Variants in THSD7B observed in about 807,000 individuals in gnomAD.
THSD7B encodes thrombospondin type 1 domain containing 7B.
A neutral mutation model predicts 213.6 loss-of-function variants in THSD7B; 138 were observed. The observed-to-expected ratio is 0.65, with a 90% CI of 0.56 to 0.74. THSD7B has a LOEUF of 0.74. Ranked by LOEUF, THSD7B falls within the 30% of genes least tolerant of loss-of-function variation. The pLI is 0.00. For synonymous variants in THSD7B, 742 were observed against 687.0 expected, an observed-to-expected ratio of 1.08 and a Z score of -1.25; for missense variants, 1,931 against 1,991.5, an observed-to-expected ratio of 0.97 and a Z score of 0.58.
At chr2:136,991,139 T>G (rs373059680) in intron 2 of THSD7B, among the ~76,000 whole-genome samples, 273 of 152,302 alleles carry the variant, frequency 1.8e-3, no homozygotes, top group Non-Finnish European at 2.9e-3. Context: ...AATTTAGCAT[T>G]TTAAAACTCA....
chr2:137,005,496 A>C (rs1323515685), intron 2 of THSD7B, among the ~76,000 whole-genome samples: 1 of 152,194 alleles, frequency 6.6e-6, no homozygotes, highest in East Asian at 1.9e-4. Context: ...TAATGTGCAT[A>C]GCTCAGACTG....
chr2:137,058,545 A>T (rs2104878793), intron 3 of THSD7B, among the ~76,000 whole-genome samples: 2 of 152,236 alleles, frequency 1.3e-5, no homozygotes, highest in East Asian at 3.9e-4. Context: ...TGTCTCCAAC[A>T]TATAGTTTTT....
chr2:137,308,194 T>G (rs1203207232), intron 12 of THSD7B, among the ~76,000 whole-genome samples: 1 of 152,002 alleles, frequency 6.6e-6, no homozygotes, highest in Admixed American at 6.6e-5. Context: ...AAACTCATAC[T>G]TCAGTCCTAG....
chr2:137,231,351 T>G, intron 8 of THSD7B, 116 bp downstream of exon 8: 431 of 972,442 alleles, frequency 4.4e-4, no homozygotes, highest in Non-Finnish European at 6.1e-4. Flanking sequence ...ACGATATCTC[T>G]ATTCCCTGAA....
At chr2:137,301,250 G>T (rs1036038201) in intron 12 of THSD7B, among the ~76,000 whole-genome samples, 1 of 152,010 alleles carries the variant, frequency 6.6e-6, no homozygotes, top group Admixed American at 6.5e-5. Context: ...CAGGTGACTG[G>T]CTGTGGACCT....
At chr2:137,514,545 A>G (rs1218364176) in intron 15 of THSD7B, among the ~76,000 whole-genome samples, 2 of 152,086 alleles carry the variant, frequency 1.3e-5, no homozygotes, top group Admixed American at 6.6e-5. Context: ...ATATATATCT[A>G]TCCTATTATT....
chr2:136,940,510 G>T (rs552070556), intron 2 of THSD7B, among the ~76,000 whole-genome samples: 58 of 151,334 alleles, frequency 3.8e-4, no homozygotes, highest in Admixed American at 7.2e-4. Context: ...TCCCACCTCA[G>T]CCTCCCGAGT....
intron 2 of THSD7B, among the ~76,000 whole-genome samples, chr2:136,915,128 TAGG>T (rs879253121): frequency 6.6e-6 from 1 of 152,182 alleles, no homozygotes; most frequent in Admixed American, 6.5e-5. Context: ...GTTTTATCTC[TAGG>T]GGAAGATTTT....
At chr2:137,586,345 A>G (rs1460724368) in intron 17 of THSD7B, among the ~76,000 whole-genome samples, 1 of 152,152 alleles carries the variant, frequency 6.6e-6, no homozygotes, top group Non-Finnish European at 1.5e-5. Flanking sequence ...ATTTAAGGTT[A>G]GTATTGTTAT....
chr2:136,986,222 AT>A (rs1685670091), intron 2 of THSD7B, among the ~76,000 whole-genome samples: 1 of 152,164 alleles, frequency 6.6e-6, no homozygotes, highest in Non-Finnish European at 1.5e-5. Flanking sequence ...GCATGATTGT[AT>A]TTTGAAATGT....
At chr2:136,928,709 A>G (rs980641962) in intron 2 of THSD7B, among the ~76,000 whole-genome samples, 1 of 152,220 alleles carries the variant, frequency 6.6e-6, no homozygotes, top group Non-Finnish European at 1.5e-5. Context: ...AGGAAGTCTA[A>G]CATTAAAAGA....
At chr2:136,944,894 G>A (rs1448470729) in intron 2 of THSD7B, among the ~76,000 whole-genome samples, 2 of 152,002 alleles carry the variant, frequency 1.3e-5, no homozygotes, top group African/African-American at 4.8e-5. Context: ...TCACATTTAA[G>A]GTTAATATTG....
chr2:137,150,222 A>G (rs1679788532), intron 5 of THSD7B, among the ~76,000 whole-genome samples: 2 of 149,748 alleles, frequency 1.3e-5, no homozygotes, highest in Admixed American at 6.7e-5. Context: ...AGCCTGGGCA[A>G]CAAGAGTGAA....
intron 9 of THSD7B, among the ~76,000 whole-genome samples, chr2:137,238,768 T>C (rs1044096096): frequency 6.6e-6 from 1 of 150,722 alleles, no homozygotes; most frequent in Non-Finnish European, 1.5e-5. Context: ...TTAGCCAGGA[T>C]GGTCTCGATC....
At chr2:137,330,256 C>T (rs115073210) in intron 12 of THSD7B, among the ~76,000 whole-genome samples, 21,593 of 152,140 alleles carry the variant, frequency 0.14, 1,989 homozygotes, top group South Asian at 0.32. Flanking sequence ...AACCCCCACA[C>T]GGAGTCCCCA....
intron 2 of THSD7B, among the ~76,000 whole-genome samples, chr2:137,014,828 A>G (rs531840216): frequency 2.8e-4 from 43 of 152,156 alleles, no homozygotes; most frequent in African/African-American, 3.4e-4. Context: ...CCAACTAGAC[A>G]TCTTCAATTT....
intron 2 of THSD7B, among the ~76,000 whole-genome samples, chr2:136,886,586 A>T (rs1683721061): frequency 6.6e-6 from 1 of 152,206 alleles, no homozygotes; most frequent in South Asian, 2.1e-4. Flanking sequence ...AAATCCAGGG[A>T]TGCTGATAAA....
chr2:137,479,426 G>A, intron 15 of THSD7B: 1 of 335,256 alleles, frequency 3.0e-6, no homozygotes, highest in South Asian at 2.2e-5. Context: ...GTGCATGCAG[G>A]TGCTGGCTGT....
intron 2 of THSD7B, among the ~76,000 whole-genome samples, chr2:136,970,966 G>T (rs893853323): frequency 2.0e-5 from 3 of 152,086 alleles, no homozygotes; most frequent in African/African-American, 7.2e-5. Context: ...ACAATTACAT[G>T]TCCATATTTC....
Sources: gnomAD v4.1 joint callset for allele counts (sites outside exome capture counted in the v4.1 genomes callset) on GRCh38, gnomAD v4.1.1 for gene constraint, MANE v1.5 for transcripts, NCBI Gene and HGNC (gene_info 2026-07-23, HGNC 2026-07-21) for gene names.